Variants in ELP4 observed in about 807,000 individuals in gnomAD.
ELP4 encodes the protein elongator complex protein 4.
A neutral mutation model predicts 48.9 loss-of-function variants in ELP4; 51 were observed. That is an observed-to-expected ratio of 1.04 (90% CI 0.83 to 1.32). ELP4 has a LOEUF of 1.32. Ranked by LOEUF, ELP4 falls within the 40% of genes most tolerant of loss-of-function variation. The pLI is 0.00. For missense variants in ELP4, 519 were observed against 514.6 expected (o/e 1.01, Z -0.08); for synonymous variants, 210 against 189.2 (o/e 1.11, Z -0.90).
At chr11:31,532,631 T>C (rs915300813) in intron 2 of ELP4, among the ~76,000 whole-genome samples, 1 of 152,188 alleles carries the variant, frequency 6.6e-6, no homozygotes, top group South Asian at 2.1e-4. Flanking sequence ...ATGAAAGTTT[T>C]AATTCTTCTA....
intron 5 of ELP4, among the ~76,000 whole-genome samples, chr11:31,622,745 A>G (rs1944649910): frequency 6.6e-6 from 1 of 151,666 alleles, no homozygotes; most frequent in Non-Finnish European, 1.5e-5. Flanking sequence ...TCTCTAAAAA[A>G]TATGAAACTT....
rs772585676 is a variant in ELP4, at chr11:31,510,003, C to G, written c.219C>G (p.Leu73=). The G allele has an allele frequency of 1.9e-6, 3 of 1,610,866 alleles. No homozygotes were observed. The highest frequency in any genetic ancestry group is 2.5e-6 in the Non-Finnish European group (3 of 1,179,528). ...VSTGLPALDQ[L]LGGGLAVGTV... ...CCGGGCTCCCAGCCCTAGACCAGCT[C>G]TTAGGTCGGTTCAGAGCGGAGATCT... The change falls in exon 1 of 10, where the codon CTC becomes CTG. Residue 73 remains leucine (L), a synonymous_variant. Transcript: ENST00000640961.
chr11:31,585,689 G>A lies in ELP4; in HGVS notation c.382-9081G>A, dbSNP rs188820477. ...ATGATAAAACATGAGTAGATAAAAAGAATAATTGCATAATTAAAAGTACAA... is the reference window on the plus strand; with the variant it reads ...ATGATAAAACATGAGTAGATAAAAAAAATAATTGCATAATTAAAAGTACAA... On this transcript the variant is annotated intron_variant, in intron 3 of 9. Transcript: ENST00000640961. 4.0e-3 allele frequency among the ~76,000 whole-genome samples: 604 copies of A among 152,210 alleles called. 6 individuals are homozygous for A. The highest frequency in any genetic ancestry group is 0.014 in the African/African-American group (577 of 41,526).
At chr11:31,579,477 C>T (rs1207548615) in intron 3 of ELP4, among the ~76,000 whole-genome samples, 1 of 152,172 alleles carries the variant, frequency 6.6e-6, no homozygotes, top group African/African-American at 2.4e-5. Context: ...TATAAAGACA[C>T]ATGCACACAT....
intron 9 of ELP4, among the ~76,000 whole-genome samples, chr11:31,695,105 G>A (rs1031648247): frequency 5.3e-5 from 8 of 152,164 alleles, no homozygotes; most frequent in African/African-American, 1.9e-4. Context: ...TCTGCAAACA[G>A]GGACAATTGG....
rs992093413 is a variant in ELP4 at position 31,781,147 on chromosome 11, T to A, written c.1144-2246T>A. On this transcript the variant is annotated intron_variant, in intron 9 of 9. Transcript: ENST00000640961. ...ATTGACATAAGCTTTCAGAATCCCT[T>A]GCTGCAAGTGGATTCTAAATATTTG... 5.9e-5 allele frequency among the ~76,000 whole-genome samples: 9 copies of A among 152,340 alleles called. 1 individual carries two copies. The highest frequency in any genetic ancestry group is 6.5e-5 in the Admixed American group (1 of 15,304).
intron 9 of ELP4, chr11:31,662,590 A>G: frequency 2.5e-6 from 1 of 398,008 alleles, no homozygotes; most frequent in Non-Finnish European, 4.4e-6. Context: ...CGTCATTTAC[A>G]AAGAAAATTT....
At position 31,783,656 on chromosome 11, in the gene ELP4, C is replaced by T. The variant is rs1948429690; in HGVS notation, c.*132C>T. ...AAAACACAGGATTATAAAATGGTGCCGCCATTTCTCATTTTTTAACTTTTT... is the reference window on the plus strand; with the variant it reads ...AAAACACAGGATTATAAAATGGTGCTGCCATTTCTCATTTTTTAACTTTTT... On this transcript the variant is annotated 3_prime_UTR_variant, in exon 10 of 10. Transcript: ENST00000640961. 3 of 823,132 alleles carry T rather than the reference C, an allele frequency of 3.6e-6. No individual in the cohort carries two copies. The highest frequency in any genetic ancestry group is 3.3e-5 in the South Asian group (1 of 30,120). The allele number at this position is 823,132 out of a possible 1,614,324, so 51.0% of individuals were successfully genotyped here.
intron 6 of ELP4, among the ~76,000 whole-genome samples, chr11:31,627,932 C>T (rs1481221211): frequency 2.0e-5 from 3 of 152,046 alleles, no homozygotes; most frequent in African/African-American, 7.2e-5. Context: ...TTGGCACTAT[C>T]AGCTACATTT....
chr11:31,644,660 G>T (rs1232203), intron 7 of ELP4, among the ~76,000 whole-genome samples: 35,864 of 151,452 alleles, frequency 0.24, 4,786 homozygotes, highest in Non-Finnish European at 0.3. Flanking sequence ...AAATTCACCT[G>T]CTTTTATCTA....
intron 8 of ELP4, 63 bp from the exon 9 acceptor site, chr11:31,650,052 T>A: frequency 1.4e-6 from 1 of 695,706 alleles, no homozygotes. Flanking sequence ...TATAAGACTG[T>A]TTAATTTATG....
chr11:31,534,812 T>C (rs1007603902), intron 2 of ELP4, among the ~76,000 whole-genome samples: 1 of 152,228 alleles, frequency 6.6e-6, no homozygotes, highest in Non-Finnish European at 1.5e-5. Flanking sequence ...AAATGTTTGC[T>C]TCTCTAAACT....
chr11:31,695,589 T>C (rs1266104249), intron 9 of ELP4, among the ~76,000 whole-genome samples: 5 of 151,154 alleles, frequency 3.3e-5, no homozygotes, highest in Non-Finnish European at 7.4e-5. Context: ...TCTGCATAGA[T>C]GTTCATCAGG....
At chr11:31,742,223 C>G (rs1007400546) in intron 9 of ELP4, among the ~76,000 whole-genome samples, 4 of 152,112 alleles carry the variant, frequency 2.6e-5, no homozygotes, top group African/African-American at 9.7e-5. Flanking sequence ...ACGAACAAAG[C>G]CTACAAGAAA....
At chr11:31,654,105 T>C (rs1051421917) in intron 9 of ELP4, 15 of 151,704 alleles carry the variant, frequency 9.9e-5, no homozygotes, top group African/African-American at 3.6e-4. Context: ...TATTATTATA[T>C]TAGTTGCACC....
chr11:31,525,501 G>A lies in ELP4; in HGVS notation c.259+5410G>A, dbSNP rs190472246. 2.0e-4 allele frequency among the ~76,000 whole-genome samples: 30 copies of A among 152,282 alleles called. 1 individual carries two copies. The East Asian group carries it at 5.4e-3, about 27-fold the overall frequency. On this transcript the variant is annotated intron_variant, in intron 2 of 9. Transcript: ENST00000640961. ...TGAATCAAAGTATGGGTAGAAAGGA[G>A]TGATGAAGAAAAAAAATTGCTCATA... is the stretch of plus-strand genomic sequence containing the variant.
At chr11:31,722,728 T>C (rs1946995561) in intron 9 of ELP4, among the ~76,000 whole-genome samples, 1 of 151,868 alleles carries the variant, frequency 6.6e-6, no homozygotes, top group South Asian at 2.1e-4. Flanking sequence ...TCTCTCTCTT[T>C]CTCTCTCCCC....
intron 3 of ELP4, among the ~76,000 whole-genome samples, chr11:31,544,582 A>G (rs910101551): frequency 6.6e-6 from 1 of 152,232 alleles, no homozygotes; most frequent in Non-Finnish European, 1.5e-5. Flanking sequence ...GGGCACAGAC[A>G]AACAAAAAGA....
At chr11:31,654,799 G>C (rs1161255740) in intron 9 of ELP4, 1 of 151,766 alleles carries the variant, frequency 6.6e-6, no homozygotes, top group East Asian at 1.9e-4. Flanking sequence ...GTAGAATGTT[G>C]AATATGTTTA....
Sources: gnomAD v4.1 joint callset for allele counts (sites outside exome capture counted in the v4.1 genomes callset) on GRCh38, gnomAD v4.1.1 for gene constraint, MANE v1.5 for transcripts, NCBI Gene and HGNC (gene_info 2026-07-23, HGNC 2026-07-21) for gene names.